The following LGALS9 variants were observed in gnomAD, a reference collection of about 807,000 sequenced individuals.
The protein encoded by LGALS9 is galectin 9, also known as galectin-9.
Under a neutral mutation model 35.9 loss-of-function variants are expected in LGALS9, and 26 were observed. The ratio of observed to expected loss-of-function variants is 0.72; its 90% CI spans 0.53 to 1.01. LGALS9 has a LOEUF of 1.01. Among genes scored for constraint, LGALS9 ranks in the 50% least tolerant of loss-of-function variants. LGALS9 has a pLI of 0.00. For synonymous variants in LGALS9, 149 were observed against 172.2 expected (o/e 0.87, Z 1.06); for missense variants, 347 against 445.8 (o/e 0.78, Z 1.99).
intron 2 of LGALS9, among the ~76,000 whole-genome samples, chr17:27,639,338 C>A (rs1447654394): frequency 6.6e-6 from 1 of 151,956 alleles, no homozygotes; most frequent in Non-Finnish European, 1.5e-5. Flanking sequence ...TTCCTCTCTC[C>A]CTCTCCCTCC....
intron 2 of LGALS9, among the ~76,000 whole-genome samples, chr17:27,640,132 C>T (rs370579794): frequency 5.9e-5 from 9 of 152,250 alleles, no homozygotes; most frequent in South Asian, 2.1e-4. Context: ...TTGGCCTCTG[C>T]GCCCAGCCCC....
intron 1 of LGALS9, among the ~76,000 whole-genome samples, chr17:27,634,296 C>T (rs1181799287): frequency 6.6e-6 from 1 of 152,186 alleles, no homozygotes; most frequent in Admixed American, 6.5e-5. Flanking sequence ...TGCCTATAAT[C>T]CCAGCACTTT....
At chr17:27,637,013 C>T (rs1362503485) in intron 1 of LGALS9, among the ~76,000 whole-genome samples, 1 of 152,120 alleles carries the variant, frequency 6.6e-6, no homozygotes, top group African/African-American at 2.4e-5. Flanking sequence ...CCATACACAT[C>T]ACCTGCCTGG....
At chr17:27,638,959 G>A (rs183637610) in intron 2 of LGALS9, among the ~76,000 whole-genome samples, 18 of 152,210 alleles carry the variant, frequency 1.2e-4, no homozygotes, top group Admixed American at 2.0e-4. Flanking sequence ...GACCCCTGCC[G>A]AGGCACCCCG....
At chr17:27,645,026 C>A in intron 5 of LGALS9, 1 of 512,320 alleles carries the variant, frequency 2.0e-6, no homozygotes. Flanking sequence ...TAATGCTCTT[C>A]GCTGTGGGAG....
chr17:27,642,086 CA>C, intron 3 of LGALS9, 151 bp from the exon 4 acceptor site: 1 of 1,475,966 alleles, frequency 6.8e-7, no homozygotes, highest in Non-Finnish European at 9.1e-7. Context: ...CGGGTTGATG[CA>C]CTTTGGGTCA....
chr17:27,634,708 C>G (rs1208085814), intron 1 of LGALS9, among the ~76,000 whole-genome samples: 2 of 152,150 alleles, frequency 1.3e-5, no homozygotes, highest in African/African-American at 2.4e-5. Context: ...ACATTGGGAC[C>G]ACCTTTAAAA....
chr17:27,639,412 C>G (rs1346427436), intron 2 of LGALS9, among the ~76,000 whole-genome samples: 1 of 150,186 alleles, frequency 6.7e-6, no homozygotes, highest in Non-Finnish European at 1.5e-5. Context: ...AGAGACAGAT[C>G]CTACCTCAGA....
chr17:27,647,072 T>C lies in LGALS9; in HGVS notation c.712T>C (p.Ser238Pro). ...CACCATTCTGGGAGGGCTGTACCCA[T>C]CCAAGTCCATCCTCCTGTCAGGCAC... ...ITTILGGLYP[S>P]KSILLSGTVL... The change falls in exon 9 of 11, where the codon TCC becomes CCC. Residue 238 changes from serine to proline, a missense_variant. By Grantham distance (74) the Ser-to-Pro change is moderately conservative. Coordinates refer to ENST00000395473, the MANE Select transcript of LGALS9 (RefSeq NM_009587.3). 6.2e-7 allele frequency: 1 copy of C among 1,614,140 alleles called. No homozygotes were observed. The highest frequency in any genetic ancestry group is 8.5e-7 in the Non-Finnish European group (1 of 1,180,002).
At chr17:27,635,717 A>G (rs1281088142) in intron 1 of LGALS9, among the ~76,000 whole-genome samples, 2 of 152,146 alleles carry the variant, frequency 1.3e-5, no homozygotes, top group Admixed American at 1.3e-4. Flanking sequence ...GAATACACTT[A>G]AGTGGAGGCC....
rs753322412 is a variant in LGALS9 at position 27,640,979 on chromosome 17, T to G, written c.333+206T>G. ...TGAATCTACAGGTGCACCTGCTGCT[T>G]CTTTTACTCTGAAAATAAGAACTAG... On this transcript the variant is annotated intron_variant, in intron 3 of 10. Transcript: ENST00000395473. The G allele has an allele frequency of 9.7e-6, 8 of 825,178 alleles. No homozygotes were observed. The Admixed American group carries it at 1.2e-4, about 12-fold the overall frequency. The allele number at this position is 825,178 out of a possible 1,614,324, so 51.1% of individuals were successfully genotyped here. A position where few individuals can be genotyped will look rare whatever the true frequency, so the allele number is the denominator to read the frequency against.
At chr17:27,631,671 C>A (rs1254506686) in intron 1 of LGALS9, among the ~76,000 whole-genome samples, 1 of 152,144 alleles carries the variant, frequency 6.6e-6, no homozygotes, top group Non-Finnish European at 1.5e-5. Flanking sequence ...AGGGTGCTTA[C>A]TGTGAAGGTG....
chr17:27,646,298 G>A (rs1397319704), intron 7 of LGALS9, among the ~76,000 whole-genome samples: 2 of 152,150 alleles, frequency 1.3e-5, no homozygotes, highest in Non-Finnish European at 2.9e-5. Flanking sequence ...TGAGGCAGGG[G>A]GGCTTAGAAT....
At chr17:27,643,727 T>A in intron 5 of LGALS9, 107 bp downstream of exon 5, 2 of 1,458,638 alleles carry the variant, frequency 1.4e-6, no homozygotes, top group East Asian at 2.5e-5. Flanking sequence ...ACAGGCCGCA[T>A]CTTGCCCACC....
At chr17:27,640,820 C>T in intron 3 of LGALS9, 47 bp downstream of exon 3, 1 of 1,609,784 alleles carries the variant, frequency 6.2e-7, no homozygotes, top group South Asian at 1.1e-5. Context: ...GACCCCCAGC[C>T]CTATCAGGTG....
At position 27,631,223 on chromosome 17, in the gene LGALS9, A is replaced by G. The variant is rs1485609961; in HGVS notation, c.-43A>G. 4 of 1,613,752 alleles carry G rather than the reference A, an allele frequency of 2.5e-6. No individual in the cohort carries two copies. The highest frequency in any genetic ancestry group is 3.3e-5 in the Admixed American group (2 of 59,992). On this transcript the variant is annotated 5_prime_UTR_variant, in exon 1 of 11. Coordinates refer to ENST00000395473, the MANE Select transcript of LGALS9 (RefSeq NM_009587.3). ...TCGTTCCCTCTACAAAGGACTTCCT[A>G]GTGGGTGTGAAAGGCAGCGGTGGCC...
At chr17:27,646,860 A>G (rs1337105096) in intron 8 of LGALS9, among the ~76,000 whole-genome samples, 170 bp from the exon 9 acceptor site, 1 of 152,130 alleles carries the variant, frequency 6.6e-6, no homozygotes, top group Non-Finnish European at 1.5e-5. Context: ...CTTTCATGAC[A>G]CTAATCTAAG....
At chr17:27,646,474 C>T (rs781549126) in intron 7 of LGALS9, 73 bp from the exon 8 acceptor site, 94 of 1,608,214 alleles carry the variant, frequency 5.8e-5, no homozygotes, top group Non-Finnish European at 7.3e-5. Flanking sequence ...CTCTAGAACG[C>T]GTGGGTGCGC....
At chr17:27,642,995 G>A (rs983252727) in intron 4 of LGALS9, among the ~76,000 whole-genome samples, 2 of 152,134 alleles carry the variant, frequency 1.3e-5, no homozygotes, top group African/African-American at 4.8e-5. Flanking sequence ...TTGAGCCCAG[G>A]AATTAGAGTT....
Sources: gnomAD v4.1 joint callset for allele counts (sites outside exome capture counted in the v4.1 genomes callset) on GRCh38, gnomAD v4.1.1 for gene constraint, MANE v1.5 for transcripts, NCBI Gene and HGNC (gene_info 2026-07-23, HGNC 2026-07-21) for gene names.